The following USP45 variants were observed in gnomAD, a reference collection of about 807,000 sequenced individuals.
USP45 encodes ubiquitin specific peptidase 45.
A neutral mutation model predicts 95.8 loss-of-function variants in USP45; 89 were observed. The observed-to-expected ratio is 0.93, with a 90% confidence interval of 0.78 to 1.11. USP45 has a LOEUF of 1.11. Ranked by LOEUF, USP45 falls within the 50% of genes least tolerant of loss-of-function variation. USP45 has a pLI of 0.00. For synonymous variants in USP45, 281 were observed against 316.2 expected (o/e 0.89, Z 1.18); for missense variants, 898 against 942.5 (o/e 0.95, Z 0.62).
In USP45 at chr6:99,433,665, A is replaced by G. The variant is rs1780041106; in HGVS notation, c.*2051T>C. 6.6e-6 allele frequency: 1 copy of G among 152,234 alleles called. No individual in the cohort carries two copies. The highest frequency in any genetic ancestry group is 6.5e-5 in the Admixed American group (1 of 15,284). 9.4% of individuals were successfully genotyped at this position (152,234 alleles called of 1,614,324 possible). On this transcript the variant is annotated 3_prime_UTR_variant, in exon 18 of 18. Transcript: ENST00000500704. ...CCTTTAACATGAAGAAAATGACAAT[A>G]AAAATATCTTACTTGCATGTTACTT... is the stretch of plus-strand genomic sequence containing the variant.
chr6:99,508,021 T>C (rs1021601516), intron 3 of USP45, among the ~76,000 whole-genome samples: 13 of 152,186 alleles, frequency 8.5e-5, no homozygotes, highest in African/African-American at 2.9e-4. Flanking sequence ...GTTTGTTTTT[T>C]AAGAGGAACA....
intron 2 of USP45, among the ~76,000 whole-genome samples, chr6:99,509,541 T>C (rs1444437551): frequency 6.6e-6 from 1 of 151,164 alleles, no homozygotes; most frequent in Non-Finnish European, 1.5e-5. Context: ...ATCAAAAGCA[T>C]GAGGCTAAAG....
At chr6:99,444,618 A>G (rs1185001998) in intron 14 of USP45, among the ~76,000 whole-genome samples, 1 of 152,150 alleles carries the variant, frequency 6.6e-6, no homozygotes, top group African/African-American at 2.4e-5. Context: ...ACTTGCTGTA[A>G]TCACTCTAGG....
chr6:99,509,786 A>G (rs535220590), intron 2 of USP45, among the ~76,000 whole-genome samples: 1 of 152,340 alleles, frequency 6.6e-6, no homozygotes, highest in Non-Finnish European at 1.5e-5. Flanking sequence ...ATAAAGAGTA[A>G]CAGATTTCTT....
intron 13 of USP45, among the ~76,000 whole-genome samples, chr6:99,458,794 CAGG>C (rs1562335170): frequency 6.6e-6 from 1 of 152,086 alleles, no homozygotes; most frequent in South Asian, 2.1e-4. Flanking sequence ...GCAGAGGCTA[CAGG>C]AGGAGAATGG....
rs1486708089 is a variant in USP45, at chr6:99,446,206, G to C, written c.1566C>G (p.Ser522=). The C allele has an allele frequency of 1.2e-6, 2 of 1,614,158 alleles. No individual in the cohort carries two copies. The highest frequency in any genetic ancestry group is 2.7e-5 in the African/African-American group (2 of 75,054). The change falls in exon 14 of 18, where the codon TCC becomes TCG. Residue 522 remains serine (S), a synonymous_variant. Coordinates refer to ENST00000500704, the MANE Select transcript of USP45 (RefSeq NM_001346022.3). ...SASKQTGLFR[S]SSGSGVQPDG... is the part of the protein sequence containing the mutation. Reference sequence around the variant, plus strand: ...CTGGCTGCACACCGGATCCACTACTGGATCTGAACAGCCCAGTCTGCTTTG... The same window carrying C: ...CTGGCTGCACACCGGATCCACTACTCGATCTGAACAGCCCAGTCTGCTTTG...
In USP45 at chr6:99,488,292, A is replaced by C. The variant is rs778604954; in HGVS notation, c.622T>G (p.Leu208Val). 2.5e-6 allele frequency: 4 copies of C among 1,595,988 alleles called. No individual in the cohort carries two copies. In the East Asian group the frequency reaches 9.0e-5, roughly 36 times the overall value. ...TCAGTAAGAGTATAAGTCTGTGCCA[A>C]GTTCTAAAAGAAAACAAAATTAAAG... is the stretch of plus-strand genomic sequence containing the variant. ...TCFFNAVMQN[L>V]AQTYTLTDLM... Residue 208 changes from leucine to valine, a missense_variant, in exon 7 of 18, where the codon TTG (leucine) becomes GTG (valine). Coordinates refer to ENST00000500704, the MANE Select transcript of USP45 (RefSeq NM_001346022.3).
chr6:99,480,106 CAA>C (rs1792000651), intron 8 of USP45, among the ~76,000 whole-genome samples: 1 of 152,056 alleles, frequency 6.6e-6, no homozygotes, highest in Admixed American at 6.5e-5. Flanking sequence ...TGTATATTAA[CAA>C]TGAACAATTG....
intron 13 of USP45, among the ~76,000 whole-genome samples, chr6:99,460,149 A>G (rs1276836775): frequency 1.3e-5 from 2 of 152,118 alleles, no homozygotes; most frequent in Non-Finnish European, 2.9e-5. Flanking sequence ...GATGCTTATC[A>G]TCCTTCATAT....
chr6:99,445,733 G>T, intron 14 of USP45, 64 bp downstream of exon 14: 1 of 1,235,756 alleles, frequency 8.1e-7, no homozygotes, highest in Non-Finnish European at 1.1e-6. Flanking sequence ...AATTCTCAGT[G>T]AAATTTGTAA....
intron 13 of USP45, among the ~76,000 whole-genome samples, chr6:99,463,197 TA>T (rs36095051): frequency 0.52 from 78,840 of 151,718 alleles, 21,063 homozygotes; most frequent in East Asian, 0.9. Context: ...TTTCATGGAA[TA>T]ATTTTCCATT....
intron 10 of USP45, 138 bp from the exon 11 acceptor site, chr6:99,466,901 T>TA: frequency 1.6e-6 from 1 of 615,942 alleles, no homozygotes; most frequent in East Asian, 2.9e-5. Context: ...TTACTATACA[T>TA]ACAACATTCT....
intron 4 of USP45, 47 bp downstream of exon 4, chr6:99,507,381 G>C (rs201759612): frequency 9.2e-7 from 1 of 1,092,578 alleles, no homozygotes; most frequent in Non-Finnish European, 1.3e-6. Context: ...AAAAAAAATT[G>C]GGGGGCTGTG....
chr6:99,481,053 C>T (rs1160471886), intron 8 of USP45, among the ~76,000 whole-genome samples: 1 of 152,084 alleles, frequency 6.6e-6, no homozygotes, highest in African/African-American at 2.4e-5. Flanking sequence ...ATGATTGGGC[C>T]ACTGCACTTG....
chr6:99,497,105 C>A (rs1796458689), intron 5 of USP45, among the ~76,000 whole-genome samples: 1 of 152,098 alleles, frequency 6.6e-6, no homozygotes, highest in Admixed American at 6.6e-5. Context: ...CCCCTCAACC[C>A]CTTTCAACCA....
At position 99,488,787 on chromosome 6, in the gene USP45, T is replaced by C. The variant is rs1473048569; in HGVS notation, c.512A>G (p.Glu171Gly). Residue 171 changes from glutamate (E) to glycine (G), a missense_variant, in exon 6 of 18, where the codon GAA becomes GGA. Physicochemically the swap from Glu to Gly is moderately conservative, Grantham distance 98 (BLOSUM62 -2). Transcript: ENST00000500704. ...AFSRIMKLCEEKCETDEIQKG... is the reference protein window; with the variant it reads ...AFSRIMKLCEGKCETDEIQKG... ...CTGTATTTCATCTGTTTCACATTTT[T>C]CTTCACAAAGTTTCATGATTCTAGA... is the stretch of plus-strand genomic sequence containing the variant. 1.3e-6 allele frequency: 2 copies of C among 1,598,998 alleles called. No homozygotes were observed. The highest frequency in any genetic ancestry group is 2.3e-5 in the East Asian group (1 of 43,982).
chr6:99,507,628 T>C lies in USP45; in HGVS notation c.274-97A>G, dbSNP rs1798827102. The C allele has an allele frequency of 3.4e-5, 27 of 791,818 alleles. No homozygotes were observed. In the South Asian group the frequency reaches 4.1e-4, roughly 12 times the overall value. The allele number at this position is 791,818 out of a possible 1,614,324, so 49.0% of individuals were successfully genotyped here. A position where few individuals can be genotyped will look rare whatever the true frequency, so the allele number is the denominator to read the frequency against. On this transcript the variant is annotated intron_variant, in intron 3 of 17. Coordinates refer to ENST00000500704, the MANE Select transcript of USP45 (RefSeq NM_001346022.3). ...TACTCACACTTATACTGAAAAGTTT[T>C]GTTTTTAATTTCAGGCCAGAGGAGA...
chr6:99,508,990 T>A (rs187433775), intron 2 of USP45, among the ~76,000 whole-genome samples: 23 of 152,320 alleles, frequency 1.5e-4, no homozygotes, highest in Admixed American at 1.4e-3. Context: ...AGATTCATGG[T>A]TGTAGGGAGC....
intron 13 of USP45, among the ~76,000 whole-genome samples, chr6:99,449,176 C>T (rs1282102319): frequency 6.6e-6 from 1 of 152,100 alleles, no homozygotes; most frequent in Non-Finnish European, 1.5e-5. Context: ...ACAATATTAA[C>T]CTTAAATGTA....
Sources: allele counts gnomAD v4.1 joint callset (sites outside exome capture counted in the v4.1 genomes callset), GRCh38; gene constraint gnomAD v4.1.1; transcripts MANE v1.5; gene names NCBI Gene and HGNC (gene_info 2026-07-23, HGNC 2026-07-21).